Variants in CCSER1 observed in about 807,000 individuals in gnomAD.
The protein encoded by CCSER1 is coiled-coil serine rich protein 1.
A neutral mutation model predicts 82.0 loss-of-function variants in CCSER1; 41 were observed. The ratio of observed to expected loss-of-function variants is 0.50; its 90% confidence interval spans 0.39 to 0.65. The LOEUF (loss-of-function observed/expected upper bound fraction) is 0.65, where lower values mean the gene tolerates loss of function less well. Ranked by LOEUF, CCSER1 falls within the 30% of genes least tolerant of loss-of-function variation. The pLI, the probability that CCSER1 is intolerant of heterozygous loss-of-function variation, is 0.00. For synonymous variants in CCSER1, 414 were observed against 383.9 expected, an observed-to-expected ratio of 1.08 and a Z score of -0.92; for missense variants, 1,119 against 1,064.2, an observed-to-expected ratio of 1.05 and a Z score of -0.72.
At chr4:91,475,348 A>C (rs1424820176) in intron 10 of CCSER1, among the ~76,000 whole-genome samples, 1 of 151,950 alleles carries the variant, frequency 6.6e-6, no homozygotes, top group African/African-American at 2.4e-5. Context: ...TGAAAATTTT[A>C]ATGTGATTTC....
chr4:91,462,815 G>A (rs991408552), intron 10 of CCSER1, among the ~76,000 whole-genome samples: 6 of 152,188 alleles, frequency 3.9e-5, no homozygotes, highest in African/African-American at 4.8e-5. Context: ...TTGGGGAGGG[G>A]CGCCTGCAAT....
At chr4:91,341,459 G>C (rs945249064) in intron 10 of CCSER1, among the ~76,000 whole-genome samples, 1 of 152,124 alleles carries the variant, frequency 6.6e-6, no homozygotes, top group Admixed American at 6.5e-5. Context: ...ATGGTTTTCT[G>C]ATAGAGAAAA....
intron 10 of CCSER1, among the ~76,000 whole-genome samples, chr4:91,180,176 G>A (rs540595289): frequency 4.7e-4 from 71 of 152,152 alleles, no homozygotes; most frequent in Non-Finnish European, 6.6e-4. Context: ...TGAAAGCTTC[G>A]TCTCAGAGGG....
Position 90,978,206 on chromosome 4 carries a change from C to T in CCSER1, c.2172+54759C>T, listed in dbSNP as rs569853152. ...TGTGTGGGGACAGACCAAGTTACTA[C>T]CTTGATATATTCAAATGCGTCACTT... On this transcript the variant is annotated intron_variant, in intron 9 of 10. Transcript: ENST00000509176. 1.1e-4 allele frequency among the ~76,000 whole-genome samples: 17 copies of T among 151,724 alleles called. No homozygotes were observed. The East Asian group carries it at 2.5e-3, about 23-fold the overall frequency.
intron 6 of CCSER1, among the ~76,000 whole-genome samples, chr4:90,633,334 TG>T (rs1724799231): frequency 6.6e-6 from 1 of 151,984 alleles, no homozygotes; most frequent in South Asian, 2.1e-4. Context: ...GTGTACAATA[TG>T]TTTTTTTCTC....
At chr4:90,545,384 G>A (rs561129527) in intron 5 of CCSER1, among the ~76,000 whole-genome samples, 20 of 152,006 alleles carry the variant, frequency 1.3e-4, no homozygotes, top group Non-Finnish European at 2.5e-4. Flanking sequence ...AAAACAAGGC[G>A]ATTTTCTTCA....
At chr4:91,273,306 C>T (rs1742185144) in intron 10 of CCSER1, among the ~76,000 whole-genome samples, 1 of 151,962 alleles carries the variant, frequency 6.6e-6, no homozygotes, top group Admixed American at 6.6e-5. Context: ...TTGTAGAGGT[C>T]TTTTAACTCC....
At position 91,446,685 on chromosome 4, in the gene CCSER1, A is replaced by T. The variant is rs570154507; in HGVS notation, c.2218-151887A>T. On this transcript the variant is annotated intron_variant, in intron 10 of 10. Transcript: ENST00000509176. ...ATATTTTAAATAAATAAATATATAT[A>T]TATATATAATAGTCCTGCATCCTTT... is the stretch of plus-strand genomic sequence containing the variant. Among the ~76,000 whole-genome samples the T allele has an allele frequency of 9.6e-3, 1,405 of 146,792 alleles. 26 individuals are homozygous for T. Among genetic ancestry groups the T allele is most frequent in the African/African-American group, 0.032 (1,313 of 40,456 alleles).
At chr4:90,463,945 AC>A (rs929120950) in intron 4 of CCSER1, among the ~76,000 whole-genome samples, 14 of 152,194 alleles carry the variant, frequency 9.2e-5, no homozygotes, top group South Asian at 6.2e-4. Flanking sequence ...AATTAAAAAA[AC>A]GATAGAAATT....
intron 10 of CCSER1, among the ~76,000 whole-genome samples, chr4:91,230,604 C>G (rs1396805107): frequency 6.6e-6 from 1 of 151,794 alleles, no homozygotes; most frequent in African/African-American, 2.4e-5. Flanking sequence ...TTGTGCCTAT[C>G]TATTTCTGTG....
chr4:90,850,799 G>C (rs937249101), intron 8 of CCSER1, among the ~76,000 whole-genome samples: 17 of 152,218 alleles, frequency 1.1e-4, no homozygotes, highest in African/African-American at 3.9e-4. Flanking sequence ...AATGAGTTAA[G>C]ACTTTGGGGG....
At chr4:90,510,467 C>T (rs994828120) in intron 5 of CCSER1, among the ~76,000 whole-genome samples, 4 of 152,080 alleles carry the variant, frequency 2.6e-5, no homozygotes, top group African/African-American at 7.2e-5. Flanking sequence ...AAAATAAACC[C>T]TTGGAACATA....
intron 4 of CCSER1, among the ~76,000 whole-genome samples, chr4:90,407,480 G>A (rs987448995): frequency 2.0e-5 from 3 of 152,082 alleles, no homozygotes; most frequent in Non-Finnish European, 4.4e-5. Flanking sequence ...AGAGAAAGAG[G>A]GAATCCTCCT....
intron 6 of CCSER1, among the ~76,000 whole-genome samples, chr4:90,653,905 A>G (rs1729228643): frequency 6.6e-6 from 1 of 152,154 alleles, no homozygotes; most frequent in Non-Finnish European, 1.5e-5. Flanking sequence ...AACAGGAAGC[A>G]TGACTGGGAG....
At chr4:91,163,498 GT>G (rs1282530734) in intron 10 of CCSER1, among the ~76,000 whole-genome samples, 1 of 152,142 alleles carries the variant, frequency 6.6e-6, no homozygotes, top group African/African-American at 2.4e-5. Context: ...TTAACCTTCT[GT>G]CTTGTTGATC....
chr4:91,438,317 C>T (rs1044808598), intron 10 of CCSER1, among the ~76,000 whole-genome samples: 3 of 152,168 alleles, frequency 2.0e-5, no homozygotes, highest in Non-Finnish European at 4.4e-5. Context: ...GCAGCATTCG[C>T]GGTTCATGAA....
intron 5 of CCSER1, among the ~76,000 whole-genome samples, chr4:90,608,192 G>A (rs562088158): frequency 1.3e-5 from 2 of 152,210 alleles, no homozygotes; most frequent in Admixed American, 6.5e-5. Flanking sequence ...GTTTGAGCAG[G>A]GATTAGTTGG....
At chr4:90,830,040 T>G (rs924493802) in intron 8 of CCSER1, among the ~76,000 whole-genome samples, 1 of 152,212 alleles carries the variant, frequency 6.6e-6, no homozygotes, top group Non-Finnish European at 1.5e-5. Flanking sequence ...TTAGCCTGTG[T>G]GGACCATCAG....
intron 1 of CCSER1, among the ~76,000 whole-genome samples, chr4:90,306,366 ATATGTATATGAGGTGATAAG>A (rs2153477095): frequency 7.0e-6 from 1 of 143,058 alleles, no homozygotes; most frequent in Admixed American, 6.7e-5. Flanking sequence ...ACAAAAAATG[ATATGTATATGAGGTGATAAG>A]TATGTTAATT....
Sources: gnomAD v4.1 joint callset for allele counts (sites outside exome capture counted in the v4.1 genomes callset) on GRCh38, gnomAD v4.1.1 for gene constraint, MANE v1.5 for transcripts, NCBI Gene and HGNC (gene_info 2026-07-23, HGNC 2026-07-21) for gene names.